The following LASP1 variants were observed in gnomAD, a reference collection of about 807,000 sequenced individuals.
LASP1 encodes the protein LIM and SH3 protein 1, also known as LIM and SH3 domain protein 1.
A neutral mutation model predicts 38.6 loss-of-function variants in LASP1; 10 were observed. The ratio of observed to expected loss-of-function variants is 0.26; its 90% CI spans 0.16 to 0.44. The LOEUF is 0.44. Ranked by LOEUF, LASP1 falls within the 20% of genes least tolerant of loss-of-function variation. The pLI, the probability that LASP1 is intolerant of heterozygous loss-of-function variation, is 1.00. For missense variants in LASP1, 243 were observed against 375.7 expected (o/e 0.65, Z 2.92); for synonymous variants, 132 against 140.8 (o/e 0.94, Z 0.44).
intron 3 of LASP1, among the ~76,000 whole-genome samples, chr17:38,893,358 A>G (rs1472164759): frequency 1.3e-5 from 2 of 152,234 alleles, no homozygotes; most frequent in African/African-American, 2.4e-5. Context: ...GTGAGGCCCA[A>G]GAATCTGCAT....
At position 38,914,324 on chromosome 17, in the gene LASP1, G is replaced by T. The variant is rs2338372; in HGVS notation, c.358-1G>T. 6.2e-7 allele frequency: 1 copy of T among 1,606,472 alleles called. No homozygotes were observed. Among genetic ancestry groups the T allele is most frequent in the Admixed American group, 1.7e-5 (1 of 58,908 alleles). On this transcript the variant is annotated splice_acceptor_variant, in intron 4 of 6. Transcript: ENST00000318008. LOFTEE classifies it high-confidence loss of function. ...TCACCTAGTGCCTTCTGACCTTGCA[G>T]ATAAAATACCATGAGGAGTTTGAGA...
At chr17:38,884,287 G>A (rs1456393587) in intron 2 of LASP1, among the ~76,000 whole-genome samples, 4 of 151,562 alleles carry the variant, frequency 2.6e-5, no homozygotes, top group Middle Eastern at 3.4e-3. Flanking sequence ...CCTTGCCCCT[G>A]TAGTCCCACC....
In LASP1 at chr17:38,893,202, C is replaced by T. The variant is rs1432589412; in HGVS notation, c.249+2698C>T. ...AGTCCCATGACCTGGCCCTGGAGCC[C>T]GTTGCTCTGAACAGTGCTGATGGCA... On this transcript the variant is annotated intron_variant, in intron 3 of 6. Coordinates refer to ENST00000318008, the MANE Select transcript of LASP1 (RefSeq NM_006148.4). Among the ~76,000 whole-genome samples the T allele has an allele frequency of 2.6e-5, 4 of 152,206 alleles. No homozygotes were observed. The East Asian group carries it at 5.8e-4, about 22-fold the overall frequency.
chr17:38,911,681 G>A (rs9909033), intron 4 of LASP1, among the ~76,000 whole-genome samples: 43,340 of 152,188 alleles, frequency 0.28, 8,328 homozygotes, highest in African/African-American at 0.54. Context: ...GGGGTTGGGC[G>A]TGGTCAGTCT....
chr17:38,914,522 G>T, intron 5 of LASP1, 47 bp downstream of exon 5: 2 of 1,543,140 alleles, frequency 1.3e-6, no homozygotes, highest in East Asian at 2.3e-5. Flanking sequence ...CGAGGCCAGT[G>T]GGGTGGGGAG....
rs184131307 is a variant in LASP1 at position 38,920,093 on chromosome 17, A to G, written c.*1315A>G. The G allele has an allele frequency of 2.0e-4, 109 of 536,824 alleles. 3 individuals carry two copies. Among genetic ancestry groups the G allele is most frequent in the East Asian group, 1.5e-3 (39 of 25,776 alleles). The allele number at this position is 536,824 out of a possible 1,614,324, so 33.3% of individuals were successfully genotyped here. ...ATCTCTGAGTGGAGGAAGCCCACCA[A>G]TCTGCCCTTTGCAGTGTGCAGGGTG... On this transcript the variant is annotated 3_prime_UTR_variant, in exon 7 of 7. Transcript: ENST00000318008.
At chr17:38,874,582 CA>C (rs1248817065) in intron 1 of LASP1, among the ~76,000 whole-genome samples, 3 of 152,298 alleles carry the variant, frequency 2.0e-5, no homozygotes, top group African/African-American at 7.2e-5. Flanking sequence ...AGGTGCCAAG[CA>C]TTAGGGGTGG....
chr17:38,896,068 G>A lies in LASP1; in HGVS notation c.250-2344G>A, dbSNP rs558987757. ...TCCACAGGGACCCCCACAGCACCCT[G>A]GTGAGCCATCCTAGACAACAGGGGC... On this transcript the variant is annotated intron_variant, in intron 3 of 6. Coordinates refer to ENST00000318008, the MANE Select transcript of LASP1 (RefSeq NM_006148.4). 9.6e-5 allele frequency among the ~76,000 whole-genome samples: 10 copies of A among 104,048 alleles called. No individual in the cohort carries two copies. The East Asian group carries it at 2.3e-3, about 24-fold the overall frequency. 68.3% of individuals were successfully genotyped at this position (104,048 alleles called of 152,430 possible).
intron 2 of LASP1, among the ~76,000 whole-genome samples, chr17:38,879,691 C>T (rs1483241055): frequency 1.3e-5 from 2 of 152,022 alleles, no homozygotes; most frequent in East Asian, 1.9e-4. Context: ...CCTAACCTTA[C>T]CCCAAACCTT....
rs537341679 is a variant in LASP1, at chr17:38,918,983, G to A, written c.*205G>A. 9.7e-6 allele frequency: 6 copies of A among 621,054 alleles called. No homozygotes were observed. The highest frequency in any genetic ancestry group is 5.5e-5 in the African/African-American group (3 of 54,394). 38.5% of individuals were successfully genotyped at this position (621,054 alleles called of 1,614,324 possible). A position where few individuals can be genotyped will look rare whatever the true frequency, so the allele number is the denominator to read the frequency against. On this transcript the variant is annotated 3_prime_UTR_variant, in exon 7 of 7. Transcript: ENST00000318008. The surrounding 1 kb of genome is among the most constrained non-coding windows in gnomAD (Gnocchi z 4.4). ...CCTCTGGCAGGCTTCCCCCTTGATC[G>A]ACTTCTTGGTTTTCTCTCTGGATGG...
chr17:38,891,283 C>T (rs541451265), intron 3 of LASP1, among the ~76,000 whole-genome samples: 35 of 152,160 alleles, frequency 2.3e-4, no homozygotes, highest in African/African-American at 7.5e-4. Flanking sequence ...GGCAGCGCGC[C>T]CAGGACCCAC....
rs525989 is a variant in LASP1, at chr17:38,914,405, A to T, written c.438A>T (p.Ser146=). The T allele has an allele frequency of 6.2e-7, 1 of 1,611,572 alleles. No homozygotes were observed. Among genetic ancestry groups the T allele is most frequent in the Non-Finnish European group, 8.5e-7 (1 of 1,179,836 alleles). Reference sequence around the variant, plus strand: ...GCATGGAGCCAGAGCGTCGGGATTCACAGGACGGCAGCAGCTACCGGCGGC... The same window carrying T: ...GCATGGAGCCAGAGCGTCGGGATTCTCAGGACGGCAGCAGCTACCGGCGGC... ...GEGMEPERRD[S]QDGSSYRRPL... Residue 146 remains serine, a synonymous_variant, in exon 5 of 7, where the codon TCA becomes TCT. Transcript: ENST00000318008.
Position 38,873,485 on chromosome 17 carries a change from A to G in LASP1, c.69+3227A>G, listed in dbSNP as rs114650762. On this transcript the variant is annotated intron_variant, in intron 1 of 6. Transcript: ENST00000318008. Reference sequence around the variant, plus strand: ...TCTTAGAGCTGAAATTCACATCCACAGTTCTTTCTGCTCAGCTCTTCTGCC... The same window carrying G: ...TCTTAGAGCTGAAATTCACATCCACGGTTCTTTCTGCTCAGCTCTTCTGCC... 9.9e-4 allele frequency among the ~76,000 whole-genome samples: 151 copies of G among 152,338 alleles called. 1 individual carries two copies. Among genetic ancestry groups the G allele is most frequent in the African/African-American group, 3.5e-3 (146 of 41,576 alleles).
chr17:38,919,025 T>C lies in LASP1; in HGVS notation c.*247T>C. On this transcript the variant is annotated 3_prime_UTR_variant, in exon 7 of 7. Coordinates refer to ENST00000318008, the MANE Select transcript of LASP1 (RefSeq NM_006148.4). The stretch of plus-strand genomic sequence containing the variant: ...TCTGGATGGAACGGGCATGGGCCTC[T>C]CTGGGGGAGGCAGGGCTGGAATGGG... 1 of 284,102 alleles carries C rather than the reference T, an allele frequency of 3.5e-6. No individual in the cohort carries two copies. The highest frequency in any genetic ancestry group is 3.2e-5 in the South Asian group (1 of 31,034). The allele number at this position is 284,102 out of a possible 1,614,324, so 17.6% of individuals were successfully genotyped here. A position where few individuals can be genotyped will look rare whatever the true frequency, so the allele number is the denominator to read the frequency against.
intron 2 of LASP1, among the ~76,000 whole-genome samples, chr17:38,878,961 C>T (rs577880951): frequency 3.4e-4 from 51 of 151,996 alleles, no homozygotes; most frequent in Non-Finnish European, 5.6e-4. Flanking sequence ...GGAATACCTC[C>T]CCTCCCATCC....
chr17:38,912,385 G>A (rs1432554628), intron 4 of LASP1, among the ~76,000 whole-genome samples: 1 of 151,944 alleles, frequency 6.6e-6, no homozygotes, highest in East Asian at 1.9e-4. Flanking sequence ...GGGTGCCACA[G>A]GGTCAGGGTA....
At chr17:38,900,197 C>CAAAAAAAAAAAAAA (rs56008544) in intron 4 of LASP1, among the ~76,000 whole-genome samples, 1 of 67,572 alleles carries the variant, frequency 1.5e-5, no homozygotes, top group Non-Finnish European at 2.5e-5. Flanking sequence ...ACTGTTTCTA[C>CAAAAAAAAAAAAAA]AAAAAAAAAA....
intron 4 of LASP1, among the ~76,000 whole-genome samples, chr17:38,901,191 C>T (rs1914630658): frequency 6.6e-6 from 1 of 152,222 alleles, no homozygotes; most frequent in South Asian, 2.1e-4. Flanking sequence ...TCCCTGCTTC[C>T]CTTTCTGGAA....
At chr17:38,892,682 G>A (rs1432967686) in intron 3 of LASP1, among the ~76,000 whole-genome samples, 2 of 152,282 alleles carry the variant, frequency 1.3e-5, no homozygotes, top group East Asian at 1.9e-4. Context: ...CCCTATCCCC[G>A]AGGGGTGGGG....
Sources: allele counts gnomAD v4.1 joint callset (sites outside exome capture counted in the v4.1 genomes callset), GRCh38; gene constraint gnomAD v4.1.1; non-coding constraint Gnocchi (gnomAD v3.1); transcripts MANE v1.5; gene names NCBI Gene and HGNC (gene_info 2026-07-23, HGNC 2026-07-21).